CREB5: variants seen among roughly 807,000 people sequenced by gnomAD.
CREB5 encodes the protein cAMP responsive element binding protein 5, also known as cyclic AMP-responsive element-binding protein 5.
Under a neutral mutation model 57.1 loss-of-function variants are expected in CREB5, and 19 were observed. The observed-to-expected ratio is 0.33, with a 90% CI of 0.23 to 0.49. The LOEUF is 0.49. Ranked by LOEUF, CREB5 falls within the 20% of genes least tolerant of loss-of-function variation. The probability of loss-of-function intolerance (pLI) is 0.99; values close to 1 mark genes in which losing one functional copy is unlikely to be tolerated. For synonymous variants in CREB5, 238 were observed against 238.3 expected, an observed-to-expected ratio of 1.00 and a Z score of 0.01; for missense variants, 579 against 671.6, an observed-to-expected ratio of 0.86 and a Z score of 1.52.
chr7:28,510,527 C>T (rs1362012072), intron 4 of CREB5, among the ~76,000 whole-genome samples: 1 of 152,178 alleles, frequency 6.6e-6, no homozygotes, highest in Non-Finnish European at 1.5e-5. Context: ...CTGCACACCA[C>T]CTTTAAAACT....
chr7:28,568,901 C>T (rs1795586929), intron 4 of CREB5, among the ~76,000 whole-genome samples: 1 of 152,216 alleles, frequency 6.6e-6, no homozygotes, highest in African/African-American at 2.4e-5. Flanking sequence ...CAAAGGACCA[C>T]TTCTAGTTCT....
rs576058408 is a variant in CREB5, at chr7:28,378,441, A to T, written c.-25+79000A>T. Among the ~76,000 whole-genome samples the T allele has an allele frequency of 1.1e-4, 17 of 152,092 alleles. No homozygotes were observed. The Middle Eastern group carries it at 0.01, about 91-fold the overall frequency. The stretch of plus-strand genomic sequence containing the variant: ...TATGTACCCTAAAACTTAAAGTATA[A>T]AAAAAAACTCTTTTTAATTTTAGTC... On this transcript the variant is annotated intron_variant, in intron 1 of 9. Coordinates refer to the CREB5 transcript ENST00000396299.
chr7:28,551,220 A>G (rs764688089), intron 4 of CREB5, among the ~76,000 whole-genome samples: 6 of 152,178 alleles, frequency 3.9e-5, no homozygotes, highest in Admixed American at 6.5e-5. Context: ...ACATTGGATT[A>G]AACCCTATAG....
Position 28,606,219 on chromosome 7 carries a change from G to A in CREB5, c.464+35682G>A, listed in dbSNP as rs540304758. On this transcript the variant is annotated intron_variant, in intron 5 of 10. Transcript: ENST00000357727. ...ATGAAATACCACTGAAAAACAACTT[G>A]TCTCACCAAGAAAGATTTTTCCTAC... Among the ~76,000 whole-genome samples the A allele has an allele frequency of 7.2e-5, 11 of 152,182 alleles. No individual in the cohort carries two copies. The South Asian group carries it at 2.3e-3, about 32-fold the overall frequency.
intron 5 of CREB5, among the ~76,000 whole-genome samples, chr7:28,600,666 T>C (rs1332755859): frequency 2.0e-5 from 3 of 152,194 alleles, no homozygotes; most frequent in African/African-American, 7.2e-5. Context: ...AGTTTATTTA[T>C]ATTCTATTAC....
At chr7:28,663,362 G>A (rs1210961099) in intron 5 of CREB5, among the ~76,000 whole-genome samples, 1 of 151,876 alleles carries the variant, frequency 6.6e-6, no homozygotes, top group Non-Finnish European at 1.5e-5. Context: ...GCACCAGCAA[G>A]CCAGGCTAAT....
intron 1 of CREB5, among the ~76,000 whole-genome samples, chr7:28,321,329 G>T (rs986828876): frequency 1.3e-5 from 2 of 151,930 alleles, no homozygotes; most frequent in Non-Finnish European, 2.9e-5. Context: ...ATGCGAAATG[G>T]CCAGGGCTGG....
rs140246574 is a variant in CREB5, at chr7:28,428,055, G to T, written c.3+15138G>T. Among the ~76,000 whole-genome samples, 492 of 152,356 alleles carry T rather than the reference G, an allele frequency of 3.2e-3. 4 individuals are homozygous for T. The highest frequency in any genetic ancestry group is 0.014 in the Middle Eastern group (4 of 294). ...TGTTTCAGTTGGAATAGTCCAGGAA[G>T]GTGGACTTTCAGATAAGGTGACATA... On this transcript the variant is annotated intron_variant, in intron 1 of 10. Transcript: ENST00000357727.
intron 4 of CREB5, among the ~76,000 whole-genome samples, chr7:28,549,615 C>G (rs968178627): frequency 2.6e-5 from 4 of 152,180 alleles, no homozygotes; most frequent in Non-Finnish European, 5.9e-5. Flanking sequence ...TCACAGCCTG[C>G]TGTTTCCTTC....
At chr7:28,468,756 G>A (rs1241973595) in intron 1 of CREB5, among the ~76,000 whole-genome samples, 3 of 152,156 alleles carry the variant, frequency 2.0e-5, no homozygotes, top group African/African-American at 4.8e-5. Flanking sequence ...AGAGTCAACC[G>A]CGTGCTAAAT....
At chr7:28,614,032 C>A (rs890856539) in intron 5 of CREB5, among the ~76,000 whole-genome samples, 11 of 152,162 alleles carry the variant, frequency 7.2e-5, no homozygotes, top group African/African-American at 2.7e-4. Context: ...AACCACAGCT[C>A]ACTGCGGTCT....
At chr7:28,527,242 A>G (rs1306792577) in intron 4 of CREB5, among the ~76,000 whole-genome samples, 2 of 152,228 alleles carry the variant, frequency 1.3e-5, no homozygotes, top group Non-Finnish European at 2.9e-5. Flanking sequence ...TTTGCCCAGT[A>G]AGAACCCATC....
intron 1 of CREB5, among the ~76,000 whole-genome samples, chr7:28,385,125 G>A (rs1787060885): frequency 1.3e-5 from 2 of 152,146 alleles, no homozygotes; most frequent in South Asian, 4.1e-4. Context: ...TGATAAAATA[G>A]TACTATAGCT....
Position 28,677,222 on chromosome 7 carries a change from T to C in CREB5, c.465-41531T>C, listed in dbSNP as rs542542486. On this transcript the variant is annotated intron_variant, in intron 5 of 10. Transcript: ENST00000357727. ...ACTTAATTAATTTATTTATAAAATT[T>C]CCATGACCATAGGATGACCACGTAG... Among the ~76,000 whole-genome samples the C allele has an allele frequency of 3.3e-5, 5 of 152,340 alleles. No homozygotes were observed. The South Asian group carries it at 1.0e-3, about 32-fold the overall frequency.
In CREB5 at chr7:28,557,860, T is replaced by C. The variant is rs560852333; in HGVS notation, c.292-12505T>C. Among the ~76,000 whole-genome samples, 88 of 152,184 alleles carry C rather than the reference T, an allele frequency of 5.8e-4. 1 individual carries two copies. The Middle Eastern group carries it at 0.017, about 29-fold the overall frequency. ...GCAGGAAATGAAATCACAGTGGTAA[T>C]AGGTTATAGCATGCAGGTTTCTGGA... On this transcript the variant is annotated intron_variant, in intron 4 of 10. Transcript: ENST00000357727.
At position 28,491,318 on chromosome 7, in the gene CREB5, C is replaced by G. The variant is rs931126746; in HGVS notation, c.75+3072C>G. On this transcript the variant is annotated intron_variant, in intron 2 of 10. Coordinates refer to ENST00000357727, the MANE Select transcript of CREB5 (RefSeq NM_182898.4). ...CCAGAAGATAAAGGGTGTAGACAAA[C>G]CTGGGGAGGAGTGGGGGTGCCAATT... The G allele has an allele frequency of 4.3e-6, 4 of 922,062 alleles. No individual in the cohort carries two copies. In the African/African-American group the frequency reaches 7.1e-5, roughly 16 times the overall value. 57.1% of individuals were successfully genotyped at this position (922,062 alleles called of 1,614,324 possible). A position where few individuals can be genotyped will look rare whatever the true frequency, so the allele number is the denominator to read the frequency against.
intron 5 of CREB5, among the ~76,000 whole-genome samples, chr7:28,576,005 G>T (rs545341146): frequency 2.6e-4 from 40 of 152,214 alleles, no homozygotes; most frequent in Non-Finnish European, 5.6e-4. Context: ...TCAGATGAAG[G>T]GGGTAGAGCC....
chr7:28,438,142 T>A (rs1033767915), intron 1 of CREB5, among the ~76,000 whole-genome samples: 2 of 152,140 alleles, frequency 1.3e-5, no homozygotes, highest in Non-Finnish European at 2.9e-5. Flanking sequence ...TAGGGTCACA[T>A]TGATTGTTAT....
chr7:28,376,295 G>A (rs1174293550), intron 1 of CREB5, among the ~76,000 whole-genome samples: 1 of 136,680 alleles, frequency 7.3e-6, no homozygotes, highest in Non-Finnish European at 1.6e-5. Context: ...TTTTTGAGAC[G>A]GAGTCTTGCT....
Sources: gnomAD v4.1 joint callset for allele counts (sites outside exome capture counted in the v4.1 genomes callset) on GRCh38, gnomAD v4.1.1 for gene constraint, MANE v1.5 for transcripts, NCBI Gene and HGNC (gene_info 2026-07-23, HGNC 2026-07-21) for gene names.